EYA1: variants seen among roughly 807,000 people sequenced by gnomAD.
EYA1 encodes EYA transcriptional coactivator and phosphatase 1, also known as protein phosphatase EYA1.
In EYA1, 16 loss-of-function variants were observed where a neutral mutation model predicts 82.0. The observed-to-expected ratio is 0.20, with a 90% confidence interval of 0.13 to 0.30. EYA1 has a LOEUF of 0.30. Ranked by LOEUF, EYA1 falls within the 10% of genes least tolerant of loss-of-function variation. EYA1 has a pLI of 1.00. For synonymous variants in EYA1, 261 were observed against 264.4 expected, an observed-to-expected ratio of 0.99 and a Z score of 0.12; for missense variants, 633 against 730.7, an observed-to-expected ratio of 0.87 and a Z score of 1.54.
At chr8:71,321,258 C>T (rs952102392) in intron 6 of EYA1, among the ~76,000 whole-genome samples, 1 of 152,088 alleles carries the variant, frequency 6.6e-6, no homozygotes, top group South Asian at 2.1e-4. Context: ...GATCACTTTT[C>T]CTAATGGTTG....
At chr8:71,296,475 G>C (rs1586231667) in intron 9 of EYA1, among the ~76,000 whole-genome samples, 1 of 150,946 alleles carries the variant, frequency 6.6e-6, no homozygotes, top group Non-Finnish European at 1.5e-5. Flanking sequence ...TGAAGCATGA[G>C]ATAAATATCA....
At chr8:71,235,702 C>A (rs879498279) in intron 12 of EYA1, among the ~76,000 whole-genome samples, 7 of 152,136 alleles carry the variant, frequency 4.6e-5, no homozygotes, top group Non-Finnish European at 1.0e-4. Flanking sequence ...GTAGTTAGAA[C>A]TGTGCCTAGG....
At chr8:71,221,256 G>A (rs1438705157) in intron 12 of EYA1, among the ~76,000 whole-genome samples, 1 of 150,734 alleles carries the variant, frequency 6.6e-6, no homozygotes, top group Non-Finnish European at 1.5e-5. Context: ...GAACAAAACA[G>A]CTTATTGGTC....
chr8:71,393,290 T>C (rs1829383596), intron 2 of EYA1, among the ~76,000 whole-genome samples: 1 of 152,022 alleles, frequency 6.6e-6, no homozygotes, highest in African/African-American at 2.4e-5. Flanking sequence ...AGTAATTTTC[T>C]TTTATTATTA....
intron 9 of EYA1, among the ~76,000 whole-genome samples, chr8:71,274,519 C>T (rs978942139): frequency 6.6e-6 from 1 of 152,130 alleles, no homozygotes; most frequent in East Asian, 1.9e-4. Flanking sequence ...GGAGGGCATT[C>T]ATTGATTTTA....
chr8:71,390,458 T>C (rs1829214342), intron 2 of EYA1, among the ~76,000 whole-genome samples: 1 of 152,130 alleles, frequency 6.6e-6, no homozygotes, highest in African/African-American at 2.4e-5. Flanking sequence ...AGATGGGATC[T>C]TGCTATGCTG....
At chr8:71,529,699 A>G (rs1245540286) in intron 2 of EYA1, 1 of 148,704 alleles carries the variant, frequency 6.7e-6, no homozygotes, top group East Asian at 2.0e-4. Flanking sequence ...TTCTTCCTAC[A>G]TGGTGGATGA....
intron 9 of EYA1, among the ~76,000 whole-genome samples, chr8:71,275,383 C>T (rs933089439): frequency 4.6e-5 from 7 of 152,100 alleles, no homozygotes; most frequent in Admixed American, 2.0e-4. Flanking sequence ...AATTCAGTTC[C>T]GCTTTGGACA....
intron 11 of EYA1, among the ~76,000 whole-genome samples, chr8:71,266,047 T>G (rs1489206227): frequency 1.3e-5 from 2 of 152,218 alleles, no homozygotes; most frequent in Non-Finnish European, 2.9e-5. Context: ...ATGCCCTAAT[T>G]TTGCATTGTA....
chr8:71,271,981 G>A (rs1443659456), intron 9 of EYA1, 84 bp from the exon 10 acceptor site: 1 of 1,406,216 alleles, frequency 7.1e-7, no homozygotes, highest in Non-Finnish European at 1.0e-6. Flanking sequence ...CACAAGGGGA[G>A]TTTCAATAGT....
chr8:71,215,791 G>T (rs1426784657), intron 14 of EYA1, 63 bp from the exon 15 acceptor site: 2 of 1,105,334 alleles, frequency 1.8e-6, no homozygotes, highest in Admixed American at 3.7e-5. Flanking sequence ...GGCTTTGCAA[G>T]TAATTAACAT....
intron 2 of EYA1, among the ~76,000 whole-genome samples, chr8:71,468,635 C>T (rs1319326304): frequency 1.3e-5 from 2 of 152,024 alleles, no homozygotes; most frequent in African/African-American, 4.8e-5. Flanking sequence ...TTGTAATGCC[C>T]ATAAACATTT....
chr8:71,451,222 C>G (rs1427488579), intron 2 of EYA1, among the ~76,000 whole-genome samples: 2 of 152,156 alleles, frequency 1.3e-5, no homozygotes, highest in African/African-American at 4.8e-5. Context: ...AACCACACTT[C>G]TGGAATAATT....
intron 2 of EYA1, among the ~76,000 whole-genome samples, chr8:71,407,827 A>T (rs1278662238): frequency 6.7e-6 from 1 of 149,046 alleles, no homozygotes; most frequent in Admixed American, 6.7e-5. Context: ...AACTTCCCCA[A>T]TCTAGCAAGG....
intron 2 of EYA1, among the ~76,000 whole-genome samples, chr8:71,511,010 T>C (rs1812556658): frequency 6.6e-6 from 1 of 152,174 alleles, no homozygotes; most frequent in African/African-American, 2.4e-5. Context: ...GTCAATCTGT[T>C]TCCTTCCATT....
chr8:71,426,270 C>G (rs555476470), intron 2 of EYA1, among the ~76,000 whole-genome samples: 148 of 152,222 alleles, frequency 9.7e-4, no homozygotes, highest in African/African-American at 3.4e-3. Context: ...CATTAACAAG[C>G]AAAGTAGAAT....
At chr8:71,340,141 G>A (rs905700797) in intron 3 of EYA1, among the ~76,000 whole-genome samples, 7 of 152,200 alleles carry the variant, frequency 4.6e-5, no homozygotes, top group South Asian at 2.1e-4. Context: ...TGCGTGAGTC[G>A]CTCCTGGCTG....
intron 12 of EYA1, among the ~76,000 whole-genome samples, chr8:71,237,976 T>C (rs1812047286): frequency 6.6e-6 from 1 of 152,160 alleles, no homozygotes; most frequent in Non-Finnish European, 1.5e-5. Flanking sequence ...CTTGCCTTTA[T>C]CTCTGATTAG....
intron 4 of EYA1, among the ~76,000 whole-genome samples, chr8:71,331,285 C>CACACACATAT (rs554459560): frequency 7.8e-6 from 1 of 127,474 alleles, no homozygotes; most frequent in African/African-American, 2.8e-5. Flanking sequence ...CACACACACA[C>CACACACATAT]ATATATATAC....
Sources: allele counts gnomAD v4.1 joint callset (sites outside exome capture counted in the v4.1 genomes callset), GRCh38; gene constraint gnomAD v4.1.1; transcripts MANE v1.5; gene names NCBI Gene and HGNC (gene_info 2026-07-23, HGNC 2026-07-21).